The following THSD7B variants were observed in gnomAD, a reference collection of about 807,000 sequenced individuals.
The protein encoded by THSD7B is thrombospondin type 1 domain containing 7B.
THSD7B carries 138 observed loss-of-function variants against 213.6 expected under a neutral mutation model. That is an observed-to-expected ratio of 0.65 (90% CI 0.56 to 0.74). THSD7B has a LOEUF of 0.74. Ranked by LOEUF, THSD7B falls within the 30% of genes least tolerant of loss-of-function variation. THSD7B has a pLI of 0.00. For synonymous variants in THSD7B, 742 were observed against 687.0 expected (o/e 1.08, Z -1.25); for missense variants, 1,931 against 1,991.5 (o/e 0.97, Z 0.58).
At chr2:137,381,708 C>T (rs546616917) in intron 12 of THSD7B, among the ~76,000 whole-genome samples, 22 of 152,288 alleles carry the variant, frequency 1.4e-4, no homozygotes, top group East Asian at 3.9e-4. Flanking sequence ...GAGAGAAAAT[C>T]GATAAGCAGC....
At position 137,095,448 on chromosome 2, in the gene THSD7B, C is replaced by A. The variant is rs148826500; in HGVS notation, c.1199+327C>A. On this transcript the variant is annotated intron_variant, in intron 4 of 27. Coordinates refer to ENST00000409968, the MANE Select transcript of THSD7B (RefSeq NM_001316349.2). ...GTAACCATTAGCTATTATTACCTGA[C>A]ACAACACACCTAATTCTCATAAAAA... Among the ~76,000 whole-genome samples the A allele has an allele frequency of 4.5e-3, 692 of 152,292 alleles. 9 individuals carry two copies. The highest frequency in any genetic ancestry group is 0.028 in the South Asian group (137 of 4,828).
chr2:137,180,853 A>G (rs547265396), intron 7 of THSD7B, among the ~76,000 whole-genome samples: 1 of 152,314 alleles, frequency 6.6e-6, no homozygotes, highest in South Asian at 2.1e-4. Context: ...ATTTTTTGGT[A>G]AAGTCCAACT....
At chr2:137,629,270 A>G (rs1682694378) in intron 20 of THSD7B, among the ~76,000 whole-genome samples, 1 of 152,160 alleles carries the variant, frequency 6.6e-6, no homozygotes, top group Non-Finnish European at 1.5e-5. Context: ...GATTGTGTTC[A>G]ATGCAAGGAG....
At chr2:137,081,549 A>G (rs1005458596) in intron 3 of THSD7B, among the ~76,000 whole-genome samples, 1 of 151,778 alleles carries the variant, frequency 6.6e-6, no homozygotes. Flanking sequence ...AATTCATTTT[A>G]TTATTTCTCT....
At chr2:136,928,128 A>G (rs1264279604) in intron 2 of THSD7B, among the ~76,000 whole-genome samples, 1 of 152,202 alleles carries the variant, frequency 6.6e-6, no homozygotes, top group Non-Finnish European at 1.5e-5. Context: ...GAAAATGCTT[A>G]TAACACACCT....
intron 3 of THSD7B, among the ~76,000 whole-genome samples, chr2:137,083,353 G>T (rs1402186491): frequency 6.6e-6 from 1 of 151,896 alleles, no homozygotes; most frequent in East Asian, 1.9e-4. Flanking sequence ...TTATTTTTTG[G>T]TAGTTTAAAA....
Position 137,110,424 on chromosome 2 carries a change from G to A in THSD7B, c.1200-4700G>A, listed in dbSNP as rs74346345. On this transcript the variant is annotated intron_variant, in intron 4 of 27. Coordinates refer to ENST00000409968, the MANE Select transcript of THSD7B (RefSeq NM_001316349.2). ...TTCCATCCATGTCTTTATCTTAACT[G>A]AAATGTTCTTGTAGGAGTTATTCTT... Among the ~76,000 whole-genome samples, 1,337 of 152,238 alleles carry A rather than the reference G, an allele frequency of 8.8e-3. 17 individuals carry two copies. The highest frequency in any genetic ancestry group is 0.031 in the African/African-American group (1,283 of 41,524).
chr2:137,045,963 C>T (rs1295442966), intron 2 of THSD7B, among the ~76,000 whole-genome samples: 1 of 152,016 alleles, frequency 6.6e-6, no homozygotes, highest in Non-Finnish European at 1.5e-5. Flanking sequence ...AGGTTTCTAC[C>T]TACAATCATA....
chr2:137,172,673 A>G (rs1047864028), intron 7 of THSD7B, among the ~76,000 whole-genome samples: 21 of 152,184 alleles, frequency 1.4e-4, no homozygotes, highest in African/African-American at 4.8e-4. Context: ...CTAGGAAATT[A>G]TAGGACCTGA....
At chr2:137,382,557 GC>G (rs1685801352) in intron 12 of THSD7B, among the ~76,000 whole-genome samples, 2 of 152,204 alleles carry the variant, frequency 1.3e-5, no homozygotes, top group South Asian at 4.1e-4. Flanking sequence ...AGCTATATAT[GC>G]CACCCTTCAG....
intron 2 of THSD7B, among the ~76,000 whole-genome samples, chr2:136,972,572 C>T (rs1285498449): frequency 6.6e-6 from 1 of 152,058 alleles, no homozygotes; most frequent in Non-Finnish European, 1.5e-5. Context: ...TTTTTCATTA[C>T]CTTTAGTCAA....
chr2:137,109,884 G>C (rs1404577842), intron 4 of THSD7B, among the ~76,000 whole-genome samples: 3 of 152,068 alleles, frequency 2.0e-5, no homozygotes, highest in African/African-American at 7.2e-5. Flanking sequence ...CGTGGCTCTT[G>C]ACTACTCTTT....
At chr2:137,040,629 G>A (rs1268917986) in intron 2 of THSD7B, among the ~76,000 whole-genome samples, 2 of 151,980 alleles carry the variant, frequency 1.3e-5, no homozygotes, top group African/African-American at 2.4e-5. Context: ...TCCTGATCTC[G>A]TGATCCACCC....
At chr2:137,381,473 C>T (rs1241786525) in intron 12 of THSD7B, among the ~76,000 whole-genome samples, 1 of 152,154 alleles carries the variant, frequency 6.6e-6, no homozygotes, top group Non-Finnish European at 1.5e-5. Context: ...TGGGGACCTC[C>T]AGGTGCAGGT....
intron 27 of THSD7B, 24 bp downstream of exon 27, chr2:137,667,885 T>G (rs1223483024): frequency 3.3e-6 from 5 of 1,523,294 alleles, no homozygotes; most frequent in South Asian, 1.2e-5. Flanking sequence ...AGTAAAAAGT[T>G]TATGTTCCGT....
intron 2 of THSD7B, among the ~76,000 whole-genome samples, chr2:136,898,437 G>A (rs1313443043): frequency 2.6e-5 from 4 of 152,078 alleles, no homozygotes; most frequent in African/African-American, 4.8e-5. Flanking sequence ...CTTCCAAAGT[G>A]CTGGGATTAC....
chr2:137,471,354 C>T (rs191475284), intron 15 of THSD7B, among the ~76,000 whole-genome samples: 17 of 152,264 alleles, frequency 1.1e-4, no homozygotes, highest in Admixed American at 7.8e-4. Context: ...AGCCAACAAA[C>T]TGTTATATAA....
chr2:137,029,910 C>T (rs1057170544), intron 2 of THSD7B, among the ~76,000 whole-genome samples: 1 of 152,090 alleles, frequency 6.6e-6, no homozygotes, highest in Admixed American at 6.5e-5. Context: ...GCCTGTTGAA[C>T]AATTATAGGA....
chr2:137,037,729 A>AT (rs560392642), intron 2 of THSD7B, among the ~76,000 whole-genome samples: 2 of 152,040 alleles, frequency 1.3e-5, no homozygotes, highest in African/African-American at 2.4e-5. Flanking sequence ...GTATCTTAAT[A>AT]TTTTTTTTCT....
Sources: allele counts gnomAD v4.1 joint callset (sites outside exome capture counted in the v4.1 genomes callset), GRCh38; gene constraint gnomAD v4.1.1; transcripts MANE v1.5; gene names NCBI Gene and HGNC (gene_info 2026-07-23, HGNC 2026-07-21).